Variants in ABR observed in about 807,000 individuals in gnomAD.
The protein encoded by ABR is active breakpoint cluster region-related protein.
Under a neutral mutation model 107.2 loss-of-function variants are expected in ABR, and 35 were observed. That is an observed-to-expected ratio of 0.33 (90% confidence interval 0.25 to 0.43). The LOEUF (loss-of-function observed/expected upper bound fraction) is 0.43, where lower values mean the gene tolerates loss of function less well. ABR is among the 20% of genes least tolerant of loss of function. The pLI is 1.00. For synonymous variants in ABR, 498 were observed against 462.0 expected (o/e 1.08, Z -1.00); for missense variants, 815 against 1,115.2 (o/e 0.73, Z 3.83).
intron 10 of ABR, among the ~76,000 whole-genome samples, chr17:1,060,158 C>A (rs1216734283): frequency 6.6e-6 from 1 of 152,212 alleles, no homozygotes; most frequent in South Asian, 2.1e-4. Flanking sequence ...CGCCTGTAAT[C>A]CCAGCACTTT....
chr17:1,064,694 T>G (rs2034497940), intron 10 of ABR, among the ~76,000 whole-genome samples: 1 of 129,180 alleles, frequency 7.7e-6, no homozygotes, highest in African/African-American at 2.9e-5. Flanking sequence ...GGGCTATACA[T>G]GTTCCTCTAG....
At chr17:1,202,106 G>T (rs2042682591) in intron 1 of ABR, among the ~76,000 whole-genome samples, 6 of 152,124 alleles carry the variant, frequency 3.9e-5, no homozygotes, top group Non-Finnish European at 1.5e-5. Flanking sequence ...TAATCCCTTT[G>T]CCTCCTTTTA....
At position 1,150,593 on chromosome 17, in the gene ABR, GGCC is replaced by G. The variant is rs1207967564; in HGVS notation, c.62-25229_62-25227del. On this transcript the variant is annotated intron_variant, in intron 1 of 22. Coordinates refer to ENST00000302538, the MANE Select transcript of ABR (RefSeq NM_021962.5). The surrounding 1 kb of genome is among the most constrained non-coding windows in gnomAD (Gnocchi z 4.8). ...CACTGCCCCCTCTCACTCCTCCGGC[GGCC>G]GCCGTCCACTCCCAGTCCTAGATCT... is the stretch of plus-strand genomic sequence containing the variant. 6.6e-6 allele frequency among the ~76,000 whole-genome samples: 1 copy of G among 152,158 alleles called. No individual in the cohort carries two copies. Among genetic ancestry groups the G allele is most frequent in the Non-Finnish European group, 1.5e-5 (1 of 68,016 alleles).
chr17:1,107,589 C>T (rs1375629286), intron 2 of ABR, among the ~76,000 whole-genome samples: 1 of 152,186 alleles, frequency 6.6e-6, no homozygotes, highest in Admixed American at 6.5e-5. Flanking sequence ...CCAGAGGAGG[C>T]CCATGAGGGC....
chr17:1,163,398 C>T (rs1474834405), intron 1 of ABR, among the ~76,000 whole-genome samples: 1 of 152,154 alleles, frequency 6.6e-6, no homozygotes, highest in African/African-American at 2.4e-5. Flanking sequence ...GGGGGTGGCA[C>T]AAAAGAGAGA....
intron 1 of ABR, among the ~76,000 whole-genome samples, chr17:1,198,747 T>G (rs895772698): frequency 3.3e-5 from 5 of 149,768 alleles, no homozygotes; most frequent in Non-Finnish European, 7.4e-5. Flanking sequence ...GCCATTCTCC[T>G]GCCTCAGCCT....
At chr17:1,153,605 GCGGGAGGGCTGGGGGTCCAGGCACACCTA>G (rs2040905082) in intron 1 of ABR, among the ~76,000 whole-genome samples, 13 of 90,090 alleles carry the variant, frequency 1.4e-4, no homozygotes, top group African/African-American at 4.3e-4. Context: ...AGGCACACCT[GCGGGAGGGCTGGGGGTCCAGGCACACCTA>G]CGGGAGGGCT....
rs1187554891 is a variant in ABR at position 1,157,701 on chromosome 17, G to A, written c.61+21966C>T. Among the ~76,000 whole-genome samples the A allele has an allele frequency of 1.3e-5, 2 of 152,312 alleles. No homozygotes were observed. The highest frequency in any genetic ancestry group is 2.1e-4 in the South Asian group (1 of 4,828). ...TCCCGGCAGATGAAGGAAAGGAACC[G>A]GCAGGCACACCGCTCTCACGCCAAT... On this transcript the variant is annotated intron_variant, in intron 1 of 22. Coordinates refer to ENST00000302538, the MANE Select transcript of ABR (RefSeq NM_021962.5). This position sits in a 1 kb window ranked among gnomAD's most constrained non-coding sequence, Gnocchi z 4.7.
At chr17:1,188,975 G>A (rs1016808517), upstream of ABR, among the ~76,000 whole-genome samples, 1 of 152,176 alleles carries the variant, frequency 6.6e-6, no homozygotes, top group African/African-American at 2.4e-5. Flanking sequence ...AGCACTTTCG[G>A]GTTCTGATCG....
At chr17:1,012,049 C>T (rs760477730) in intron 18 of ABR, 64 bp from the exon 19 acceptor site, 106 of 1,602,558 alleles carry the variant, frequency 6.6e-5, no homozygotes, top group Non-Finnish European at 8.3e-5. Flanking sequence ...TAGCAACCCC[C>T]ACCCAGCACA....
rs974346486 is a variant in ABR at position 1,157,103 on chromosome 17, C to G, written c.61+22564G>C. On this transcript the variant is annotated intron_variant, in intron 1 of 22. Transcript: ENST00000302538. This position sits in a 1 kb window ranked among gnomAD's most constrained non-coding sequence, Gnocchi z 4.7. ...AGGCACTAATATTATCTCAATTTTA[C>G]GGATGAGGAAACCGAAGCTCAGATA... Among the ~76,000 whole-genome samples, 1 of 152,170 alleles carries G rather than the reference C, an allele frequency of 6.6e-6. No homozygotes were observed. The highest frequency in any genetic ancestry group is 1.5e-5 in the Non-Finnish European group (1 of 68,044).
At position 1,078,819 on chromosome 17, in the gene ABR, G is replaced by T; in HGVS notation, c.700+511C>A. 6.5e-7 allele frequency: 1 copy of T among 1,535,566 alleles called. No homozygotes were observed. Among genetic ancestry groups the T allele is most frequent in the Non-Finnish European group, 8.7e-7 (1 of 1,146,830 alleles). ...ACAGCGAGCACCTGGGTTACCATAG[G>T]TGCAGTTACAGCAGAAGCGAATAAT... is the stretch of plus-strand genomic sequence containing the variant. On this transcript the variant is annotated intron_variant, in intron 6 of 22. Coordinates refer to ENST00000302538, the MANE Select transcript of ABR (RefSeq NM_021962.5). This position sits in a 1 kb window ranked among gnomAD's most constrained non-coding sequence, Gnocchi z 7.5.
intron 1 of ABR, among the ~76,000 whole-genome samples, chr17:1,167,475 G>C (rs904740898): frequency 6.6e-6 from 1 of 152,222 alleles, no homozygotes; most frequent in African/African-American, 2.4e-5. Context: ...GAACCACCAT[G>C]GTGAAAGGCT....
At chr17:1,155,954 C>CA (rs35068873) in intron 1 of ABR, 22,421 of 85,546 alleles carry the variant, frequency 0.26, 3,823 homozygotes, top group African/African-American at 0.5. Context: ...AATTCCGTCT[C>CA]AAAAAAAAAA....
chr17:1,045,680 C>T (rs775510842), intron 16 of ABR, among the ~76,000 whole-genome samples: 3 of 152,212 alleles, frequency 2.0e-5, no homozygotes, highest in Non-Finnish European at 4.4e-5. Flanking sequence ...CATTTAGCAC[C>T]GTGCTGGGCT....
At chr17:1,073,409 G>A (rs912150921) in intron 7 of ABR, among the ~76,000 whole-genome samples, 6 of 152,084 alleles carry the variant, frequency 3.9e-5, no homozygotes, top group Admixed American at 6.5e-5. Context: ...CTGCCTCCCC[G>A]GGAGCACCTG....
Position 1,110,697 on chromosome 17 carries a change from T to C in ABR, c.247-9962A>G, listed in dbSNP as rs1308594434. 3.3e-5 allele frequency among the ~76,000 whole-genome samples: 5 copies of C among 152,174 alleles called. No individual in the cohort carries two copies. The East Asian group carries it at 9.6e-4, about 29-fold the overall frequency. ...TTGGCAGCAGAGAAGCTGCCCTCCC[T>C]GGAGAGAGGCTCCATCCTGTTGCAG... On this transcript the variant is annotated intron_variant, in intron 2 of 22. Coordinates refer to ENST00000302538, the MANE Select transcript of ABR (RefSeq NM_021962.5).
rs1195849746 is a variant in ABR, at chr17:1,200,301, A to G, written c.838+28492T>C. Reference sequence around the variant, plus strand: ...ATGGTGACTCACGCCTGTAATCCCAACACTTTCGGACGATCGCTTGAAGCC... The same window carrying G: ...ATGGTGACTCACGCCTGTAATCCCAGCACTTTCGGACGATCGCTTGAAGCC... On this transcript the variant is annotated intron_variant, in intron 1 of 22. Transcript: ENST00000574139. This position sits in a 1 kb window ranked among gnomAD's most constrained non-coding sequence, Gnocchi z 4.1. 6.6e-6 allele frequency among the ~76,000 whole-genome samples: 1 copy of G among 152,126 alleles called. No homozygotes were observed. The highest frequency in any genetic ancestry group is 1.5e-5 in the Non-Finnish European group (1 of 68,026).
rs532323264 is a variant in ABR at position 1,217,904 on chromosome 17, AG to A, written c.838+10888del. Among the ~76,000 whole-genome samples, 152 of 152,328 alleles carry A rather than the reference AG, an allele frequency of 1.0e-3. 1 individual carries two copies. Among genetic ancestry groups the A allele is most frequent in the African/African-American group, 3.4e-3 (142 of 41,584 alleles). Reference sequence around the variant, plus strand: ...GAGACGGGGTTTCACCATGTTGGCCAGGCTGGTCTTGAACTCCTGACCTCAG... The same window carrying A: ...GAGACGGGGTTTCACCATGTTGGCCAGCTGGTCTTGAACTCCTGACCTCAG... On this transcript the variant is annotated intron_variant, in intron 1 of 22. Transcript: ENST00000574139.
Sources: gnomAD v4.1 joint callset for allele counts (sites outside exome capture counted in the v4.1 genomes callset) on GRCh38, gnomAD v4.1.1 for gene constraint, Gnocchi (gnomAD v3.1) non-coding constraint, MANE v1.5 for transcripts, NCBI Gene and HGNC (gene_info 2026-07-23, HGNC 2026-07-21) for gene names.